Variants in WDR72 observed in about 807,000 individuals in gnomAD.
WDR72 encodes the protein WD repeat-containing protein 72.
In WDR72, 120 loss-of-function variants were observed where a neutral mutation model predicts 124.2. The observed-to-expected ratio is 0.97, with a 90% CI of 0.83 to 1.12. The LOEUF (loss-of-function observed/expected upper bound fraction) is 1.12, where lower values mean the gene tolerates loss of function less well. Ranked by LOEUF, WDR72 falls within the 50% of genes most tolerant of loss-of-function variation. WDR72 has a pLI of 0.00. For missense variants in WDR72, 1,387 were observed against 1,278.8 expected (o/e 1.08, Z -1.29); for synonymous variants, 452 against 441.7 (o/e 1.02, Z -0.29).
intron 13 of WDR72, among the ~76,000 whole-genome samples, chr15:53,691,179 A>C (rs1014102928): frequency 6.6e-6 from 1 of 152,088 alleles, no homozygotes; most frequent in African/African-American, 2.4e-5. Context: ...CCTCCAGAAT[A>C]GCTGGGACTA....
At chr15:53,540,029 GAC>G (rs1326850780) in intron 18 of WDR72, among the ~76,000 whole-genome samples, 1 of 152,098 alleles carries the variant, frequency 6.6e-6, no homozygotes, top group Non-Finnish European at 1.5e-5. Context: ...AATAAATAAA[GAC>G]ACAGAGAAGA....
intron 14 of WDR72, among the ~76,000 whole-genome samples, chr15:53,627,058 CT>C (rs2014240114): frequency 6.6e-6 from 1 of 152,122 alleles, no homozygotes. Context: ...TGATTTGACT[CT>C]TTCTCCTCAC....
intron 18 of WDR72, among the ~76,000 whole-genome samples, chr15:53,593,447 T>C (rs920570032): frequency 1.3e-5 from 2 of 152,062 alleles, no homozygotes; most frequent in African/African-American, 4.8e-5. Flanking sequence ...TTTATTCATT[T>C]TGAAAACGGG....
intron 14 of WDR72, among the ~76,000 whole-genome samples, chr15:53,629,696 G>A (rs2014347347): frequency 6.6e-6 from 1 of 152,090 alleles, no homozygotes; most frequent in African/African-American, 2.4e-5. Context: ...TAAAATGGCT[G>A]GATGTGAGTA....
intron 18 of WDR72, among the ~76,000 whole-genome samples, chr15:53,557,005 G>T (rs1191228698): frequency 6.6e-6 from 1 of 151,992 alleles, no homozygotes; most frequent in Admixed American, 6.6e-5. Flanking sequence ...AGATAAAAAA[G>T]GAAAGATGAA....
chr15:53,620,264 C>T (rs1417074868), intron 14 of WDR72, among the ~76,000 whole-genome samples: 2 of 151,492 alleles, frequency 1.3e-5, no homozygotes, highest in Admixed American at 1.3e-4. Context: ...TATATATATG[C>T]AAAATACATT....
At chr15:53,642,684 A>T (rs1367666323) in intron 14 of WDR72, among the ~76,000 whole-genome samples, 1 of 152,114 alleles carries the variant, frequency 6.6e-6, no homozygotes, top group East Asian at 1.9e-4. Context: ...AAATTACAAC[A>T]TAAACCATAC....
At chr15:53,611,497 A>AAACAAC (rs537782022) in intron 16 of WDR72, among the ~76,000 whole-genome samples, 1 of 152,046 alleles carries the variant, frequency 6.6e-6, no homozygotes, top group South Asian at 2.1e-4. Context: ...ACAAACAAAC[A>AAACAAC]AACAACAACA....
At position 53,597,090 on chromosome 15, in the gene WDR72, A is replaced by G. The variant is rs147236172; in HGVS notation, c.3137T>C (p.Leu1046Ser). The G allele has an allele frequency of 6.2e-6, 10 of 1,613,644 alleles. No individual in the cohort carries two copies. Among genetic ancestry groups the G allele is most frequent in the Non-Finnish European group, 8.5e-6 (10 of 1,179,818 alleles). The change falls in exon 18 of 20, where the codon TTG (leucine) becomes TCG (serine). Residue 1046 changes from leucine to serine, a missense_variant. Leu to Ser is a moderately radical substitution (Grantham distance 145). Transcript: ENST00000360509. ...AATTTTGTACTTACTTTGCAGAGGCAAAGTGTTTCTAACACACTGTAACTC... is the reference window on the plus strand; with the variant it reads ...AATTTTGTACTTACTTTGCAGAGGCGAAGTGTTTCTAACACACTGTAACTC... ...ELELQCVRNTLPLQTPVSPVK... is the reference protein window; with the variant it reads ...ELELQCVRNTSPLQTPVSPVK...
chr15:53,530,969 C>A (rs1206876988), intron 18 of WDR72, among the ~76,000 whole-genome samples: 1 of 152,050 alleles, frequency 6.6e-6, no homozygotes, highest in Non-Finnish European at 1.5e-5. Context: ...AGCTGACAGC[C>A]ATCTCTATCT....
chr15:53,619,112 C>T (rs888329463), intron 14 of WDR72, among the ~76,000 whole-genome samples: 1 of 151,972 alleles, frequency 6.6e-6, no homozygotes, highest in African/African-American at 2.4e-5. Flanking sequence ...TTATAGACAG[C>T]TATTTCTTAC....
At chr15:53,539,832 A>T (rs1326487840) in intron 18 of WDR72, among the ~76,000 whole-genome samples, 1 of 152,170 alleles carries the variant, frequency 6.6e-6, no homozygotes, top group Non-Finnish European at 1.5e-5. Flanking sequence ...TAATTCACCT[A>T]TTAGAATAAA....
At position 53,721,768 on chromosome 15, in the gene WDR72, C is replaced by T. The variant is rs945585134; in HGVS notation, c.260+1034G>A. On this transcript the variant is annotated intron_variant, in intron 3 of 19. Coordinates refer to ENST00000360509, the MANE Select transcript of WDR72 (RefSeq NM_182758.4). ...GGCTTATCTTGTTTCAACTAGAAAC[C>T]CAATCCCTTATTCATAAATGCATAT... is the stretch of plus-strand genomic sequence containing the variant. Among the ~76,000 whole-genome samples the T allele has an allele frequency of 2.6e-5, 4 of 152,122 alleles. No individual in the cohort carries two copies. In the South Asian group the frequency reaches 6.2e-4, roughly 24 times the overall value.
At chr15:53,669,007 GAGA>G (rs1244036135) in intron 13 of WDR72, among the ~76,000 whole-genome samples, 26 of 122,046 alleles carry the variant, frequency 2.1e-4, no homozygotes, top group Admixed American at 1.1e-3. Flanking sequence ...GAAGGAGAAG[GAGA>G]AGGAGAAAAG....
chr15:53,622,313 G>A (rs1297759097), intron 14 of WDR72, among the ~76,000 whole-genome samples: 1 of 151,946 alleles, frequency 6.6e-6, no homozygotes, highest in African/African-American at 2.4e-5. Context: ...CTATTATAAA[G>A]ATACATGCAA....
intron 18 of WDR72, among the ~76,000 whole-genome samples, chr15:53,559,312 A>T (rs1021338126): frequency 2.0e-5 from 3 of 151,990 alleles, no homozygotes; most frequent in South Asian, 2.1e-4. Flanking sequence ...GATTTTTTTT[A>T]AAGTACAATG....
chr15:53,630,143 G>A (rs548831137), intron 14 of WDR72, among the ~76,000 whole-genome samples: 24 of 152,132 alleles, frequency 1.6e-4, no homozygotes, highest in African/African-American at 5.5e-4. Flanking sequence ...AGACATAAAC[G>A]ACCAAAACTG....
intron 14 of WDR72, among the ~76,000 whole-genome samples, chr15:53,627,856 A>G (rs943149624): frequency 6.6e-6 from 1 of 152,130 alleles, no homozygotes; most frequent in South Asian, 2.1e-4. Flanking sequence ...AAGCTATACT[A>G]TTTTACATGT....
chr15:53,626,982 G>A (rs1051476310), intron 14 of WDR72, among the ~76,000 whole-genome samples: 1 of 152,108 alleles, frequency 6.6e-6, no homozygotes, highest in Non-Finnish European at 1.5e-5. Flanking sequence ...AGGAAATATA[G>A]GCAGCAGCTG....
Sources: allele counts gnomAD v4.1 joint callset (sites outside exome capture counted in the v4.1 genomes callset), GRCh38; gene constraint gnomAD v4.1.1; transcripts MANE v1.5; gene names NCBI Gene and HGNC (gene_info 2026-07-23, HGNC 2026-07-21).